PTPRD: variants seen among roughly 807,000 people sequenced by gnomAD.
The protein encoded by PTPRD is receptor-type tyrosine-protein phosphatase delta.
In PTPRD, 34 loss-of-function variants were observed where a neutral mutation model predicts 214.5. That is an observed-to-expected ratio of 0.16 (90% CI 0.12 to 0.21). The LOEUF (loss-of-function observed/expected upper bound fraction) is 0.21. Ranked by LOEUF, PTPRD falls within the 10% of genes least tolerant of loss-of-function variation. The pLI is 1.00. For synonymous variants in PTPRD, 1,128 were observed against 845.7 expected, an observed-to-expected ratio of 1.33 and a Z score of -5.79; for missense variants, 2,545 against 2,398.7, an observed-to-expected ratio of 1.06 and a Z score of -1.27.
At chr9:9,375,092 CGT>C (rs920270289) in intron 9 of PTPRD, among the ~76,000 whole-genome samples, 1 of 151,930 alleles carries the variant, frequency 6.6e-6, no homozygotes, top group Admixed American at 6.6e-5. Flanking sequence ...TGTGTATGTG[CGT>C]GTGTGTGTTG....
intron 1 of PTPRD, 52 bp from the exon 2 acceptor site, chr9:10,612,557 TG>T (rs2081309819): frequency 6.6e-6 from 1 of 152,110 alleles, no homozygotes; most frequent in South Asian, 2.1e-4. Context: ...TTGGCTTTGG[TG>T]GGGTGCTTCG....
At chr9:8,811,656 G>T (rs368015237) in intron 11 of PTPRD, among the ~76,000 whole-genome samples, 153 of 151,462 alleles carry the variant, frequency 1.0e-3, no homozygotes, top group African/African-American at 3.4e-3. Context: ...AGGCTATACT[G>T]CCTCAACTAT....
intron 2 of PTPRD, among the ~76,000 whole-genome samples, chr9:10,542,164 A>G (rs903731256): frequency 2.6e-5 from 4 of 152,162 alleles, no homozygotes; most frequent in African/African-American, 9.6e-5. Context: ...TGCAGTTATA[A>G]TGACAAATTT....
chr9:9,267,236 T>C (rs568133740), intron 9 of PTPRD, among the ~76,000 whole-genome samples: 8 of 151,372 alleles, frequency 5.3e-5, no homozygotes, highest in African/African-American at 1.2e-4. Flanking sequence ...GACATTACAA[T>C]TGGTATACAG....
chr9:9,492,326 T>TAAAAA (rs67958740), intron 8 of PTPRD, among the ~76,000 whole-genome samples: 4 of 134,790 alleles, frequency 3.0e-5, no homozygotes, highest in Admixed American at 7.3e-5. Flanking sequence ...TTACTAAACA[T>TAAAAA]AAAAAAAAAA....
intron 11 of PTPRD, among the ~76,000 whole-genome samples, chr9:8,924,045 T>G (rs2098846381): frequency 1.3e-5 from 2 of 152,186 alleles, no homozygotes; most frequent in Non-Finnish European, 2.9e-5. Context: ...TTTTCTAAAT[T>G]TAGAATGAAG....
intron 7 of PTPRD, among the ~76,000 whole-genome samples, chr9:9,616,715 C>T (rs895869428): frequency 2.6e-5 from 4 of 152,022 alleles, no homozygotes; most frequent in Admixed American, 6.6e-5. Flanking sequence ...AGAAAACTCA[C>T]GAATTATCCA....
At chr9:10,139,411 C>T (rs769695706) in intron 3 of PTPRD, among the ~76,000 whole-genome samples, 15 of 151,908 alleles carry the variant, frequency 9.9e-5, no homozygotes, top group Non-Finnish European at 1.9e-4. Context: ...ATTCCATTCT[C>T]ATGGATAGAA....
At chr9:8,336,709 G>C (rs1055736733) in intron 43 of PTPRD, among the ~76,000 whole-genome samples, 1 of 150,150 alleles carries the variant, frequency 6.7e-6, no homozygotes, top group African/African-American at 2.4e-5. Context: ...CTATCCACCT[G>C]ACAAAGGGCT....
intron 12 of PTPRD, among the ~76,000 whole-genome samples, chr9:8,703,644 A>G (rs763891983): frequency 7.2e-5 from 11 of 151,994 alleles, no homozygotes; most frequent in Non-Finnish European, 1.5e-4. Flanking sequence ...TATTAATTCT[A>G]TTAACTGGGG....
intron 10 of PTPRD, among the ~76,000 whole-genome samples, chr9:9,133,898 T>C (rs1277086588): frequency 2.0e-5 from 3 of 152,042 alleles, no homozygotes; most frequent in African/African-American, 7.2e-5. Flanking sequence ...GAAAGGGAAC[T>C]GGGTAAGACT....
chr9:8,913,371 T>C (rs1404650605), intron 11 of PTPRD, among the ~76,000 whole-genome samples: 1 of 152,150 alleles, frequency 6.6e-6, no homozygotes, highest in Non-Finnish European at 1.5e-5. Context: ...GACATCTCTC[T>C]GTTGGATATT....
At chr9:9,350,218 T>C (rs940745724) in intron 9 of PTPRD, among the ~76,000 whole-genome samples, 1 of 152,104 alleles carries the variant, frequency 6.6e-6, no homozygotes, top group African/African-American at 2.4e-5. Context: ...TTTTGTCATA[T>C]AGAAATAATA....
chr9:9,528,212 AG>A (rs1394046962), intron 8 of PTPRD, among the ~76,000 whole-genome samples: 1 of 152,162 alleles, frequency 6.6e-6, no homozygotes, highest in Non-Finnish European at 1.5e-5. Context: ...CCTTTCACTG[AG>A]CAATTGTCTG....
intron 7 of PTPRD, among the ~76,000 whole-genome samples, chr9:9,597,242 G>C (rs1424936526): frequency 2.0e-5 from 3 of 151,930 alleles, no homozygotes; most frequent in African/African-American, 4.8e-5. Context: ...CCCACCGCAG[G>C]ATATCATCCC....
intron 5 of PTPRD, among the ~76,000 whole-genome samples, chr9:9,911,431 A>G (rs1227132703): frequency 6.7e-6 from 1 of 148,400 alleles, no homozygotes; most frequent in Non-Finnish European, 1.5e-5. Flanking sequence ...AGAAACGCAA[A>G]TACACACGAA....
At chr9:8,815,740 C>A (rs753381728) in intron 11 of PTPRD, among the ~76,000 whole-genome samples, 1 of 151,928 alleles carries the variant, frequency 6.6e-6, no homozygotes, top group Non-Finnish European at 1.5e-5. Context: ...AGTGTTGATA[C>A]AATTCTTTAG....
At chr9:8,607,651 A>T (rs149341868) in intron 14 of PTPRD, among the ~76,000 whole-genome samples, 1 of 152,152 alleles carries the variant, frequency 6.6e-6, no homozygotes, top group Admixed American at 6.5e-5. Flanking sequence ...TCGGAAAAAA[A>T]ATTAAAAAAT....
At chr9:10,135,114 G>C (rs1032713613) in intron 3 of PTPRD, among the ~76,000 whole-genome samples, 1 of 152,182 alleles carries the variant, frequency 6.6e-6, no homozygotes, top group African/African-American at 2.4e-5. Flanking sequence ...AGACCAACCT[G>C]AGGAAAGAAT....
Sources: gnomAD v4.1 joint callset for allele counts (sites outside exome capture counted in the v4.1 genomes callset) on GRCh38, gnomAD v4.1.1 for gene constraint, MANE v1.5 for transcripts, NCBI Gene and HGNC (gene_info 2026-07-23, HGNC 2026-07-21) for gene names.